The following PCDH15 variants were observed in gnomAD, a reference collection of about 807,000 sequenced individuals.
The protein encoded by PCDH15 is protocadherin related 15, also known as protocadherin-15.
PCDH15 carries 129 observed loss-of-function variants against 178.5 expected under a neutral mutation model. The ratio of observed to expected loss-of-function variants is 0.72; its 90% confidence interval spans 0.63 to 0.84. PCDH15 has a LOEUF of 0.84. Among genes scored for constraint, PCDH15 ranks in the 40% least tolerant of loss-of-function variants. The pLI is 0.00. For synonymous variants in PCDH15, 800 were observed against 732.0 expected (o/e 1.09, Z -1.50); for missense variants, 2,230 against 2,099.9 (o/e 1.06, Z -1.21).
intron 1 of PCDH15, among the ~76,000 whole-genome samples, chr10:55,204,765 G>A (rs1840349811): frequency 6.6e-6 from 1 of 151,992 alleles, no homozygotes; most frequent in South Asian, 2.1e-4. Flanking sequence ...CAAGGACTCA[G>A]ACTGTCATAG....
chr10:54,623,601 C>T (rs777731631), intron 2 of PCDH15, among the ~76,000 whole-genome samples: 9 of 151,758 alleles, frequency 5.9e-5, no homozygotes, highest in East Asian at 1.9e-4. Context: ...ATTTCTTTGG[C>T]GAGAAATAAA....
chr10:55,589,538 G>C (rs1474344684), intron 2 of PCDH15, among the ~76,000 whole-genome samples: 2 of 151,848 alleles, frequency 1.3e-5, no homozygotes, highest in Non-Finnish European at 2.9e-5. Context: ...CCTACACAAT[G>C]GGAGAAAATT....
At chr10:55,130,404 C>A (rs1838008373) in intron 2 of PCDH15, among the ~76,000 whole-genome samples, 1 of 152,134 alleles carries the variant, frequency 6.6e-6, no homozygotes. Context: ...TACAAAAGAA[C>A]ATGTGGCTGG....
chr10:54,641,374 A>G (rs1015066038), intron 2 of PCDH15, among the ~76,000 whole-genome samples: 13 of 152,296 alleles, frequency 8.5e-5, no homozygotes, highest in African/African-American at 3.1e-4. Flanking sequence ...TTTAAGATCT[A>G]GATCCAGTAG....
chr10:53,834,136 G>A (rs2077168282), intron 29 of PCDH15, among the ~76,000 whole-genome samples: 1 of 152,110 alleles, frequency 6.6e-6, no homozygotes, highest in Non-Finnish European at 1.5e-5. Context: ...AGGGTTGACT[G>A]CTATACTCCA....
At chr10:54,814,015 G>GA (rs1254190151) in intron 3 of PCDH15, among the ~76,000 whole-genome samples, 6 of 151,998 alleles carry the variant, frequency 3.9e-5, no homozygotes, top group South Asian at 2.1e-4. Flanking sequence ...TATTTCTGCT[G>GA]AAAAAAATGA....
intron 1 of PCDH15, among the ~76,000 whole-genome samples, chr10:54,715,064 CA>C (rs1426811974): frequency 6.6e-6 from 1 of 151,880 alleles, no homozygotes; most frequent in Non-Finnish European, 1.5e-5. Context: ...TGCTGATACT[CA>C]TTTTTTTTTC....
intron 14 of PCDH15, among the ~76,000 whole-genome samples, chr10:54,140,305 A>C (rs1311824323): frequency 6.6e-6 from 1 of 152,202 alleles, no homozygotes; most frequent in Non-Finnish European, 1.5e-5. Context: ...TCTTAGTTAC[A>C]GAAAATGTAT....
chr10:55,423,304 T>C (rs1838669794), intron 2 of PCDH15, among the ~76,000 whole-genome samples: 1 of 151,980 alleles, frequency 6.6e-6, no homozygotes, highest in Non-Finnish European at 1.5e-5. Flanking sequence ...ACAGAATTCC[T>C]CGAAGTAGGA....
intron 8 of PCDH15, among the ~76,000 whole-genome samples, chr10:54,315,414 A>AG (rs1169354188): frequency 6.6e-6 from 1 of 152,146 alleles, no homozygotes; most frequent in Non-Finnish European, 1.5e-5. Flanking sequence ...AATTCCTCAT[A>AG]GATGCTGGAT....
chr10:54,761,899 C>G (rs751103645), intron 1 of PCDH15, among the ~76,000 whole-genome samples: 2 of 151,950 alleles, frequency 1.3e-5, no homozygotes, highest in Non-Finnish European at 2.9e-5. Flanking sequence ...TTGGAGTATT[C>G]TGGGGAATAG....
At chr10:54,011,047 A>G (rs1163563592) in intron 20 of PCDH15, among the ~76,000 whole-genome samples, 3 of 152,034 alleles carry the variant, frequency 2.0e-5, no homozygotes, top group Non-Finnish European at 4.4e-5. Context: ...AGAAGCCCAG[A>G]CTGTCCTCCC....
chr10:55,265,600 C>A (rs1303393946), intron 1 of PCDH15, among the ~76,000 whole-genome samples: 1 of 151,986 alleles, frequency 6.6e-6, no homozygotes, highest in Admixed American at 6.6e-5. Flanking sequence ...ATCCCAGTGA[C>A]AAGAAGGAAG....
At chr10:55,526,220 A>C (rs1841298020) in intron 2 of PCDH15, among the ~76,000 whole-genome samples, 1 of 151,962 alleles carries the variant, frequency 6.6e-6, no homozygotes, top group African/African-American at 2.4e-5. Context: ...ATTGACTTAT[A>C]ATAGATAATC....
At chr10:55,484,940 AT>A (rs1162405665) in intron 2 of PCDH15, among the ~76,000 whole-genome samples, 1 of 151,814 alleles carries the variant, frequency 6.6e-6, no homozygotes, top group African/African-American at 2.4e-5. Context: ...CTAGAAAAAA[AT>A]AACATAGGAA....
At chr10:55,543,379 G>GTATATATATA (rs5785142) in intron 2 of PCDH15, among the ~76,000 whole-genome samples, 63 of 146,948 alleles carry the variant, frequency 4.3e-4, no homozygotes, top group African/African-American at 1.0e-3. Flanking sequence ...TATAATGCCT[G>GTATATATATA]TATATATATA....
At chr10:54,913,987 G>T (rs903485495) in intron 2 of PCDH15, among the ~76,000 whole-genome samples, 2 of 152,152 alleles carry the variant, frequency 1.3e-5, no homozygotes, top group African/African-American at 4.8e-5. Flanking sequence ...GCAGTAGGGG[G>T]TTGCCTTGTC....
intron 2 of PCDH15, among the ~76,000 whole-genome samples, chr10:55,380,950 G>C (rs1243939300): frequency 1.3e-5 from 2 of 152,180 alleles, no homozygotes; most frequent in Non-Finnish European, 2.9e-5. Context: ...AAGTTTATTT[G>C]AAGTTATAAA....
chr10:54,216,985 A>G (rs796783278), intron 9 of PCDH15, among the ~76,000 whole-genome samples: 1 of 152,144 alleles, frequency 6.6e-6, no homozygotes. Flanking sequence ...ATTTGGAAAC[A>G]AGGGCCTATA....
Sources: allele counts gnomAD v4.1 joint callset (sites outside exome capture counted in the v4.1 genomes callset), GRCh38; gene constraint gnomAD v4.1.1; transcripts MANE v1.5; gene names NCBI Gene and HGNC (gene_info 2026-07-23, HGNC 2026-07-21).